The following TENM2 variants were observed in gnomAD, a reference collection of about 807,000 sequenced individuals.
TENM2 encodes the protein teneurin-2.
TENM2 carries 52 observed loss-of-function variants against 245.2 expected under a neutral mutation model. That is an observed-to-expected ratio of 0.21 (90% confidence interval 0.17 to 0.27). The LOEUF is 0.27. Among genes scored for constraint, TENM2 ranks in the 10% least tolerant of loss-of-function variants. TENM2 has a pLI of 1.00. For synonymous variants in TENM2, 1,363 were observed against 1,438.9 expected (o/e 0.95, Z 1.19); for missense variants, 3,046 against 3,666.8 (o/e 0.83, Z 4.37).
At chr5:167,863,282 C>T (rs930014045) in intron 2 of TENM2, among the ~76,000 whole-genome samples, 13 of 152,120 alleles carry the variant, frequency 8.5e-5, no homozygotes, top group Non-Finnish European at 1.8e-4. Flanking sequence ...GCAATATGGG[C>T]CCTCTTGTGA....
chr5:168,036,716 T>TAC (rs55913207), intron 5 of TENM2, among the ~76,000 whole-genome samples: 2 of 142,392 alleles, frequency 1.4e-5, no homozygotes, highest in East Asian at 2.1e-4. Flanking sequence ...TGTATATATA[T>TAC]GTATGTGTAT....
At chr5:167,797,813 G>A (rs1458648399) in intron 2 of TENM2, among the ~76,000 whole-genome samples, 4 of 152,048 alleles carry the variant, frequency 2.6e-5, no homozygotes, top group Non-Finnish European at 5.9e-5. Context: ...TGTCAGAAAA[G>A]GAAAGGAAAG....
chr5:167,015,756 A>C, the TENM2 span, among the ~76,000 whole-genome samples: 1 of 152,208 alleles, frequency 6.6e-6, no homozygotes, highest in East Asian at 1.9e-4. Flanking sequence ...TATGTTCTAC[A>C]AGATCAAGAT....
At chr5:167,644,611 G>A (rs1171754530) in intron 2 of TENM2, among the ~76,000 whole-genome samples, 1 of 152,190 alleles carries the variant, frequency 6.6e-6, no homozygotes, top group Admixed American at 6.5e-5. Flanking sequence ...TCATGACATA[G>A]CTTCTACCAT....
intron 2 of TENM2, among the ~76,000 whole-genome samples, chr5:167,683,402 A>C (rs955682600): frequency 6.6e-6 from 1 of 152,162 alleles, no homozygotes; most frequent in African/African-American, 2.4e-5. Flanking sequence ...AATGTCACTA[A>C]CCTCTTAAGA....
At chr5:167,052,843 C>T in the TENM2 span, among the ~76,000 whole-genome samples, 2 of 151,732 alleles carry the variant, frequency 1.3e-5, no homozygotes, top group African/African-American at 2.4e-5. Context: ...TACTTCTTCT[C>T]GTATCCAATC....
At chr5:167,652,403 C>T (rs1057477822) in intron 2 of TENM2, among the ~76,000 whole-genome samples, 2 of 151,816 alleles carry the variant, frequency 1.3e-5, no homozygotes, top group Non-Finnish European at 2.9e-5. Context: ...TATTTTTATC[C>T]TCTTCTATAA....
the TENM2 span, among the ~76,000 whole-genome samples, chr5:167,222,031 T>C: frequency 1.3e-5 from 2 of 152,204 alleles, no homozygotes; most frequent in Non-Finnish European, 2.9e-5. Flanking sequence ...TTTGAGATTA[T>C]GCAATAAATA....
At chr5:167,117,137 C>G in the TENM2 span, among the ~76,000 whole-genome samples, 31 of 152,170 alleles carry the variant, frequency 2.0e-4, no homozygotes, top group African/African-American at 7.2e-4. Flanking sequence ...ATTGAAGACT[C>G]TCAATAAATA....
At chr5:167,515,650 C>CACATATATATGTATATATGTATATATAT (rs1770304052) in intron 2 of TENM2, among the ~76,000 whole-genome samples, 1 of 128,054 alleles carries the variant, frequency 7.8e-6, no homozygotes, top group African/African-American at 3.0e-5. Flanking sequence ...TATATATATA[C>CACATATATATGTATATATGTATATATAT]ACATATATAC....
At chr5:167,080,066 A>C in the TENM2 span, among the ~76,000 whole-genome samples, 1 of 152,230 alleles carries the variant, frequency 6.6e-6, no homozygotes, top group East Asian at 1.9e-4. Context: ...TAAAACTTGA[A>C]ATAAGTAAAT....
intron 2 of TENM2, among the ~76,000 whole-genome samples, chr5:167,845,723 A>G (rs1389297239): frequency 1.3e-5 from 2 of 152,150 alleles, no homozygotes; most frequent in African/African-American, 4.8e-5. Context: ...CCTAGCCTAG[A>G]CTTACCATTC....
chr5:167,648,116 T>C (rs77985442), intron 2 of TENM2, among the ~76,000 whole-genome samples: 1,835 of 152,266 alleles, frequency 0.012, 43 homozygotes, highest in African/African-American at 0.041. Flanking sequence ...ACTAATCAAG[T>C]GCATTTTTGA....
intron 2 of TENM2, among the ~76,000 whole-genome samples, chr5:167,396,365 A>G (rs994026727): frequency 1.3e-5 from 2 of 152,178 alleles, no homozygotes; most frequent in Non-Finnish European, 2.9e-5. Context: ...TCTCAGAAGA[A>G]CATATACAGC....
chr5:168,183,812 A>C (rs1760144741), intron 13 of TENM2, among the ~76,000 whole-genome samples: 1 of 151,552 alleles, frequency 6.6e-6, no homozygotes, highest in Non-Finnish European at 1.5e-5. Context: ...TAAAAAAAAA[A>C]CCCATATGAT....
the TENM2 span, among the ~76,000 whole-genome samples, chr5:167,128,895 C>T: frequency 3.9e-5 from 6 of 152,300 alleles, no homozygotes; most frequent in East Asian, 1.2e-3. Flanking sequence ...AAATAAACAA[C>T]CAAACATACA....
intron 2 of TENM2, among the ~76,000 whole-genome samples, chr5:167,688,978 C>T (rs1296966881): frequency 6.6e-6 from 1 of 152,134 alleles, no homozygotes; most frequent in Non-Finnish European, 1.5e-5. Flanking sequence ...CAACGGGGCA[C>T]ATCGGAGTGC....
At chr5:167,317,354 C>T (rs1029018253) in intron 1 of TENM2, among the ~76,000 whole-genome samples, 1 of 152,040 alleles carries the variant, frequency 6.6e-6, no homozygotes, top group African/African-American at 2.4e-5. Context: ...GTCTCTGTGG[C>T]GGTTACATAT....
chr5:168,179,134 G>GAAAAA (rs35502066), intron 13 of TENM2, among the ~76,000 whole-genome samples: 3 of 99,950 alleles, frequency 3.0e-5, no homozygotes, highest in Non-Finnish European at 5.7e-5. Flanking sequence ...GACTCTGCCT[G>GAAAAA]AAAAAAAAAA....
Sources: allele counts gnomAD v4.1 joint callset (sites outside exome capture counted in the v4.1 genomes callset), GRCh38; gene constraint gnomAD v4.1.1; transcripts MANE v1.5; gene names NCBI Gene and HGNC (gene_info 2026-07-23, HGNC 2026-07-21).